The following XRCC1 variants were observed in gnomAD, a reference collection of about 807,000 sequenced individuals.
XRCC1 encodes the protein X-ray repair cross complementing 1.
In XRCC1, 52 loss-of-function variants were observed where a neutral mutation model predicts 83.3. The ratio of observed to expected loss-of-function variants is 0.62; its 90% confidence interval spans 0.50 to 0.79. The LOEUF is 0.79. Among genes scored for constraint, XRCC1 ranks in the 30% least tolerant of loss-of-function variants. XRCC1 has a pLI of 0.00. For synonymous variants in XRCC1, 281 were observed against 312.6 expected (o/e 0.90, Z 1.07); for missense variants, 793 against 823.5 (o/e 0.96, Z 0.45).
chr19:43,546,780 G>T, intron 11 of XRCC1, 53 bp from the exon 12 acceptor site: 4 of 1,590,580 alleles, frequency 2.5e-6, no homozygotes, highest in South Asian at 1.1e-5. Flanking sequence ...TGGGTGTGTT[G>T]GGGGGGTACC....
intron 15 of XRCC1, 77 bp from the exon 16 acceptor site, chr19:43,543,764 A>G: frequency 2.2e-6 from 3 of 1,361,348 alleles, no homozygotes; most frequent in Non-Finnish European, 3.1e-6. Context: ...GCCACTCTCA[A>G]TGGCTGTCCC....
At position 43,561,034 on chromosome 19, in the gene XRCC1, G is replaced by A. The variant is rs372185525; in HGVS notation, c.145-14C>T. The A allele has an allele frequency of 3.9e-5, 63 of 1,602,006 alleles. No individual in the cohort carries two copies. In the Admixed American group the frequency reaches 4.5e-4, roughly 11 times the overall value. Reference sequence around the variant, plus strand: ...CTCCTTCTCCAACTGTGGGCAGAGAGAGAGGCCACTGTCAGTGCCTGCTCT... The same window carrying A: ...CTCCTTCTCCAACTGTGGGCAGAGAAAGAGGCCACTGTCAGTGCCTGCTCT... On this transcript the variant is annotated splice_polypyrimidine_tract_variant and intron_variant, in intron 2 of 16. Transcript: ENST00000262887.
chr19:43,573,967 G>A (rs1972829531), intron 2 of XRCC1, among the ~76,000 whole-genome samples: 1 of 152,206 alleles, frequency 6.6e-6, no homozygotes, highest in Non-Finnish European at 1.5e-5. Context: ...GGATAACAGA[G>A]CCTGCCTCTT....
chr19:43,568,458 C>CTACA (rs1411980261), intron 2 of XRCC1, among the ~76,000 whole-genome samples: 6 of 151,926 alleles, frequency 3.9e-5, no homozygotes, highest in Admixed American at 1.3e-4. Context: ...GATCGCACTA[C>CTACA]TACACTCCAG....
intron 2 of XRCC1, among the ~76,000 whole-genome samples, chr19:43,567,404 C>G (rs534941717): frequency 6.6e-6 from 1 of 152,248 alleles, no homozygotes; most frequent in East Asian, 1.9e-4. Flanking sequence ...ACTCTGCCTT[C>G]CAGTTCAAGT....
chr19:43,549,488 T>C (rs559604296), intron 10 of XRCC1, among the ~76,000 whole-genome samples: 1 of 152,318 alleles, frequency 6.6e-6, no homozygotes, highest in African/African-American at 2.4e-5. Flanking sequence ...CTCAAACTCC[T>C]GATGTCACGT....
chr19:43,553,570 G>A (rs1568514188), intron 5 of XRCC1, 39 bp downstream of exon 5: 1 of 1,612,678 alleles, frequency 6.2e-7, no homozygotes. Flanking sequence ...GGGTGGAGAG[G>A]CAGGGAGAAG....
chr19:43,554,919 A>C, intron 3 of XRCC1, 115 bp from the exon 4 acceptor site: 2 of 1,227,166 alleles, frequency 1.6e-6, no homozygotes, highest in Non-Finnish European at 2.3e-6. Flanking sequence ...AGTCACTAGA[A>C]TGTAGCTTGG....
chr19:43,545,551 G>T (rs1409868796), intron 14 of XRCC1, among the ~76,000 whole-genome samples: 1 of 152,130 alleles, frequency 6.6e-6, no homozygotes, highest in Non-Finnish European at 1.5e-5. Context: ...GTGAAAAAAA[G>T]GAGGTCACAC....
chr19:43,546,812 G>A, intron 11 of XRCC1, 72 bp downstream of exon 11: 2 of 1,598,774 alleles, frequency 1.3e-6, no homozygotes, highest in South Asian at 1.1e-5. Context: ...AGAGTGGGAA[G>A]TTTGGGGTGC....
intron 14 of XRCC1, among the ~76,000 whole-genome samples, chr19:43,544,843 G>GC (rs1301799028): frequency 2.2e-5 from 3 of 135,178 alleles, no homozygotes; most frequent in Admixed American, 7.9e-5. Flanking sequence ...GGCGGGGGTC[G>GC]GGGGGGGTCT....
chr19:43,560,227 A>G lies in XRCC1; in HGVS notation c.255+683T>C, dbSNP rs369898568. Among the ~76,000 whole-genome samples the G allele has an allele frequency of 2.6e-5, 4 of 151,546 alleles. No individual in the cohort carries two copies. In the East Asian group the frequency reaches 7.8e-4, roughly 29 times the overall value. On this transcript the variant is annotated intron_variant, in intron 3 of 16. Coordinates refer to ENST00000262887, the MANE Select transcript of XRCC1 (RefSeq NM_006297.3). ...AATATGGTGAAACCCCGTCTCTACT[A>G]AAAATACAAAAAAAAAAAGTTAGCC...
chr19:43,560,884 G>A (rs957446450), intron 3 of XRCC1, 26 bp downstream of exon 3: 16 of 1,576,642 alleles, frequency 1.0e-5, no homozygotes, highest in African/African-American at 1.3e-5. Context: ...AGGTCAGTAT[G>A]GGATCCATCT....
intron 8 of XRCC1, 54 bp downstream of exon 8, chr19:43,552,743 C>T (rs1972593914): frequency 1.3e-6 from 2 of 1,501,676 alleles, no homozygotes; most frequent in Non-Finnish European, 1.8e-6. Context: ...CCCCGCTTCC[C>T]CTAGGACACA....
chr19:43,546,464 G>A, intron 12 of XRCC1, 131 bp downstream of exon 12: 3 of 970,690 alleles, frequency 3.1e-6, no homozygotes, highest in South Asian at 3.5e-5. Context: ...AGGTCCCCAG[G>A]CTCTCTTCCC....
chr19:43,554,873 G>A, intron 3 of XRCC1, 69 bp from the exon 4 acceptor site: 1 of 1,534,576 alleles, frequency 6.5e-7, no homozygotes, highest in Non-Finnish European at 8.9e-7. Context: ...TCTAGGGGCT[G>A]GGGAAGAGGG....
At chr19:43,562,700 G>A (rs1022207266) in intron 2 of XRCC1, among the ~76,000 whole-genome samples, 5 of 152,028 alleles carry the variant, frequency 3.3e-5, no homozygotes, top group Admixed American at 1.3e-4. Flanking sequence ...AGTCATGTTC[G>A]CATCACTGTA....
At chr19:43,565,004 T>C (rs113921034) in intron 2 of XRCC1, among the ~76,000 whole-genome samples, 8 of 152,266 alleles carry the variant, frequency 5.3e-5, no homozygotes, top group African/African-American at 1.7e-4. Flanking sequence ...TCAAAGCTGC[T>C]GAAAGCGCTG....
Position 43,560,910 on chromosome 19 carries a change from C to T in XRCC1, c.255G>A (p.Glu85=). Residue 85 remains glutamate (E), a splice_region_variant and synonymous_variant, in exon 3 of 17, where the codon GAG becomes GAA. Transcript: ENST00000262887. ...GGATCCATCTCATAGCCCTGCTTAC[C>T]TCATAGTCTTGCTCCCCAGCGCCTC... ...SAGGAGEQDY[E]VLLVTSSFMS... is the part of the protein sequence containing the mutation. 1 of 1,613,186 alleles carries T rather than the reference C, an allele frequency of 6.2e-7. No homozygotes were observed. Among genetic ancestry groups the T allele is most frequent in the Non-Finnish European group, 8.5e-7 (1 of 1,179,094 alleles).
Sources: allele counts gnomAD v4.1 joint callset (sites outside exome capture counted in the v4.1 genomes callset), GRCh38; gene constraint gnomAD v4.1.1; transcripts MANE v1.5; gene names NCBI Gene and HGNC (gene_info 2026-07-23, HGNC 2026-07-21).